Variants in CASQ2 observed in about 807,000 individuals in gnomAD.
The protein encoded by CASQ2 is calsequestrin 2, also known as calsequestrin-2.
In CASQ2, 49 loss-of-function variants were observed where a neutral mutation model predicts 46.5. The observed-to-expected ratio is 1.05, with a 90% CI of 0.84 to 1.34. CASQ2 has a LOEUF of 1.34. CASQ2 is among the 40% of genes most tolerant of loss of function. The pLI is 0.00. For missense variants in CASQ2, 486 were observed against 481.3 expected (o/e 1.01, Z -0.09); for synonymous variants, 174 against 168.5 (o/e 1.03, Z -0.25).
In CASQ2 at chr1:115,760,582, G is replaced by A. The variant is rs906203417; in HGVS notation, c.234+7726C>T. 6.6e-5 allele frequency among the ~76,000 whole-genome samples: 10 copies of A among 152,152 alleles called. No homozygotes were observed. The East Asian group carries it at 1.3e-3, about 21-fold the overall frequency. ...CAGCCTTGGGGTCCACATTTTAAGC[G>A]TCAGGTTTCAAGTGGCCTTCAAACT... On this transcript the variant is annotated intron_variant, in intron 1 of 10. Transcript: ENST00000261448.
At position 115,720,197 on chromosome 1, in the gene CASQ2, A is replaced by C. The variant is rs888626514; in HGVS notation, c.784-2303T>G. Among the ~76,000 whole-genome samples, 31 of 152,248 alleles carry C rather than the reference A, an allele frequency of 2.0e-4. 1 individual carries two copies. Among genetic ancestry groups the C allele is most frequent in the African/African-American group, 6.7e-4 (28 of 41,564 alleles). ...CATATCAAAACCTGGGTAGCTTATA[A>C]ACAACAGAAATTTATTTCTCACTGT... On this transcript the variant is annotated intron_variant, in intron 7 of 10. Coordinates refer to ENST00000261448, the MANE Select transcript of CASQ2 (RefSeq NM_001232.4).
intron 3 of CASQ2, 26 bp downstream of exon 3, chr1:115,740,702 C>A (rs759687734): frequency 7.1e-7 from 1 of 1,404,162 alleles, no homozygotes; most frequent in Non-Finnish European, 1.0e-6. Flanking sequence ...CAGCTCCATG[C>A]AGGGTCACTG....
intron 5 of CASQ2, 109 bp downstream of exon 5, chr1:115,732,792 A>G (rs557731842): frequency 1.3e-6 from 1 of 794,008 alleles, no homozygotes; most frequent in South Asian, 1.4e-5. Flanking sequence ...AGAAAGAGGC[A>G]AGGGAGGATG....
intron 8 of CASQ2, among the ~76,000 whole-genome samples, chr1:115,710,673 G>C (rs571295517): frequency 1.3e-5 from 2 of 152,160 alleles, no homozygotes; most frequent in Admixed American, 6.5e-5. Flanking sequence ...CCCAGCAGCT[G>C]TAGTATGATG....
chr1:115,725,470 C>T (rs1453205649), intron 7 of CASQ2, 38 bp downstream of exon 7: 1 of 1,605,418 alleles, frequency 6.2e-7, no homozygotes, highest in East Asian at 2.2e-5. Flanking sequence ...GGACTATACT[C>T]ATCTCTACAA....
In CASQ2 at chr1:115,700,722, C is replaced by A; in HGVS notation, c.*519G>T. ...AGAATATGATTTATAAGTTTGCTTCCAAGGCTGAGCCTTCTCTAAGAAGGA... is the reference window on the plus strand; with the variant it reads ...AGAATATGATTTATAAGTTTGCTTCAAAGGCTGAGCCTTCTCTAAGAAGGA... On this transcript the variant is annotated 3_prime_UTR_variant, in exon 11 of 11. Transcript: ENST00000261448. 2.7e-6 allele frequency: 1 copy of A among 371,344 alleles called. No individual in the cohort carries two copies. The highest frequency in any genetic ancestry group is 8.5e-5 in the South Asian group (1 of 11,786). The allele number at this position is 371,344 out of a possible 1,614,324, so 23.0% of individuals were successfully genotyped here.
At chr1:115,744,603 G>A (rs1207579700) in intron 2 of CASQ2, among the ~76,000 whole-genome samples, 2 of 152,120 alleles carry the variant, frequency 1.3e-5, no homozygotes, top group African/African-American at 2.4e-5. Flanking sequence ...CCTCTTCATC[G>A]TACTGATACA....
At chr1:115,713,487 T>A (rs1654609779) in intron 8 of CASQ2, among the ~76,000 whole-genome samples, 1 of 152,160 alleles carries the variant, frequency 6.6e-6, no homozygotes, top group Non-Finnish European at 1.5e-5. Context: ...ACAGGGTTGC[T>A]GCCTTCCCTC....
In CASQ2 at chr1:115,739,172, C is replaced by T. The variant is rs1245648838; in HGVS notation, c.421-837G>A. 6.2e-5 allele frequency among the ~76,000 whole-genome samples: 9 copies of T among 146,264 alleles called. No individual in the cohort carries two copies. In the East Asian group the frequency reaches 1.8e-3, roughly 29 times the overall value. On this transcript the variant is annotated intron_variant, in intron 3 of 10. Transcript: ENST00000261448. ...TGTTGCCCAGGCTGGAGTGCAGTGG[C>T]ACGATCTAGGCTCACTGCAAGCTCC...
intron 3 of CASQ2, among the ~76,000 whole-genome samples, chr1:115,739,321 T>A (rs1648092222): frequency 6.6e-6 from 1 of 151,730 alleles, no homozygotes. Context: ...TTCACCGTAT[T>A]AGCCAGGATG....
chr1:115,768,237 A>G, intron 1 of CASQ2, 71 bp downstream of exon 1: 1 of 995,828 alleles, frequency 1.0e-6, no homozygotes, highest in East Asian at 2.4e-5. Flanking sequence ...CCATATCCCA[A>G]CCCCTGGCCA....
chr1:115,705,120 T>A, intron 9 of CASQ2, 72 bp downstream of exon 9: 1 of 979,154 alleles, frequency 1.0e-6, no homozygotes, highest in Non-Finnish European at 1.7e-6. Context: ...CTATTTCACC[T>A]CCTCAGATGC....
At chr1:115,721,950 C>T (rs1303661191) in intron 7 of CASQ2, among the ~76,000 whole-genome samples, 1 of 152,146 alleles carries the variant, frequency 6.6e-6, no homozygotes, top group Non-Finnish European at 1.5e-5. Flanking sequence ...ACGTGGCCCA[C>T]AGGGATGGCA....
intron 1 of CASQ2, among the ~76,000 whole-genome samples, chr1:115,754,119 C>T (rs1200697502): frequency 1.3e-5 from 2 of 152,162 alleles, no homozygotes; most frequent in Non-Finnish European, 2.9e-5. Flanking sequence ...ACGTTTCTCT[C>T]CGGTAATCTC....
At chr1:115,736,721 T>C (rs1189523597) in intron 4 of CASQ2, among the ~76,000 whole-genome samples, 1 of 152,170 alleles carries the variant, frequency 6.6e-6, no homozygotes, top group Non-Finnish European at 1.5e-5. Context: ...CAATGCAATA[T>C]GTAATATATT....
At chr1:115,758,989 A>C (rs545828548) in intron 1 of CASQ2, among the ~76,000 whole-genome samples, 101 of 152,366 alleles carry the variant, frequency 6.6e-4, no homozygotes, top group African/African-American at 2.4e-3. Context: ...TATGTAGAAA[A>C]AGCATAGAGG....
intron 8 of CASQ2, among the ~76,000 whole-genome samples, chr1:115,717,334 G>A (rs761567718): frequency 6.6e-6 from 1 of 152,240 alleles, no homozygotes; most frequent in Non-Finnish European, 1.5e-5. Context: ...ACATCAGCTG[G>A]TCTAAAAGGC....
At chr1:115,766,912 TAGATAGA>T (rs1355739625) in intron 1 of CASQ2, among the ~76,000 whole-genome samples, 56 of 141,650 alleles carry the variant, frequency 4.0e-4, no homozygotes, top group African/African-American at 1.3e-3. Context: ...GATAGATAGA[TAGATAGA>T]AGGATGATAG....
At chr1:115,758,323 T>A (rs1406085616) in intron 1 of CASQ2, among the ~76,000 whole-genome samples, 1 of 152,266 alleles carries the variant, frequency 6.6e-6, no homozygotes, top group East Asian at 1.9e-4. Flanking sequence ...GCATGGTTTA[T>A]GGTAAGTTCA....
Sources: allele counts gnomAD v4.1 joint callset (sites outside exome capture counted in the v4.1 genomes callset), GRCh38; gene constraint gnomAD v4.1.1; transcripts MANE v1.5; gene names NCBI Gene and HGNC (gene_info 2026-07-23, HGNC 2026-07-21).